Variants in VTCN1 observed in about 807,000 individuals in gnomAD.
VTCN1 encodes the protein V-set domain-containing T-cell activation inhibitor 1.
In VTCN1, 26 loss-of-function variants were observed where a neutral mutation model predicts 26.5. The ratio of observed to expected loss-of-function variants is 0.98; its 90% CI spans 0.72 to 1.36. The LOEUF (loss-of-function observed/expected upper bound fraction) is 1.36. Among genes scored for constraint, VTCN1 ranks in the 40% most tolerant of loss-of-function variants. The pLI is 0.00. For missense variants in VTCN1, 298 were observed against 337.7 expected (o/e 0.88, Z 0.92); for synonymous variants, 116 against 130.7 (o/e 0.89, Z 0.77).
At chr1:117,208,873 A>G (rs1649226143) in intron 1 of VTCN1, among the ~76,000 whole-genome samples, 1 of 152,224 alleles carries the variant, frequency 6.6e-6, no homozygotes, top group Non-Finnish European at 1.5e-5. Flanking sequence ...AGAGGATGGC[A>G]GGCCCTTTCA....
chr1:117,203,261 GGGGTTGTAAGA>G (rs1168876489), intron 1 of VTCN1, among the ~76,000 whole-genome samples: 2 of 152,014 alleles, frequency 1.3e-5, no homozygotes, highest in East Asian at 3.9e-4. Context: ...AGAAGGGATG[GGGGTTGTAAGA>G]GGATTGAAGA....
chr1:117,180,506 A>G (rs754238938), intron 1 of VTCN1, among the ~76,000 whole-genome samples: 60 of 152,216 alleles, frequency 3.9e-4, no homozygotes, highest in Non-Finnish European at 6.9e-4. Flanking sequence ...ATCCCATTGT[A>G]CTGAATAACA....
chr1:117,153,192 A>G lies in VTCN1; in HGVS notation c.623T>C (p.Met208Thr). 1 of 1,614,180 alleles carries G rather than the reference A, an allele frequency of 6.2e-7. No homozygotes were observed. Among genetic ancestry groups the G allele is most frequent in the Non-Finnish European group, 8.5e-7 (1 of 1,180,030 alleles). ...SFELNSENVT[M>T]KVVSVLYNVT... ...ATTGTAGAGCACAGACACAACCTTC[A>G]TGGTCACATTCTCAGAGTTCAGCTC... Residue 208 changes from methionine to threonine, a missense_variant, in exon 4 of 6, where the codon ATG becomes ACG. Met to Thr is a moderately conservative substitution (Grantham distance 81). Transcript: ENST00000369458.
rs957665102 is a variant in VTCN1, at chr1:117,183,864, T to C, written c.33-13693A>G. 6.6e-6 allele frequency among the ~76,000 whole-genome samples: 1 copy of C among 152,066 alleles called. No homozygotes were observed. Among genetic ancestry groups the C allele is most frequent in the Non-Finnish European group, 1.5e-5 (1 of 68,022 alleles). ...TTGCCAGCAAGAAAAATGAGGGAGA[T>C]TTGCAGAGGCTAAAAATGAAACCAG... On this transcript the variant is annotated intron_variant, in intron 1 of 5. Transcript: ENST00000369458. The surrounding 1 kb of genome is among the most constrained non-coding windows in gnomAD (Gnocchi z 4.1).
Position 117,191,870 on chromosome 1 carries a change from T to G in VTCN1, c.32+18954A>C, listed in dbSNP as rs570724166. ...TACTTCAGAGGCTAAGGTGGAAGGA[T>G]CTCTTGAACCCAGAGTTTGAGGCTG... On this transcript the variant is annotated intron_variant, in intron 1 of 5. Coordinates refer to ENST00000369458, the MANE Select transcript of VTCN1 (RefSeq NM_024626.4). Among the ~76,000 whole-genome samples the G allele has an allele frequency of 2.0e-5, 3 of 152,234 alleles. No individual in the cohort carries two copies. In the South Asian group the frequency reaches 6.2e-4, roughly 32 times the overall value.
chr1:117,207,172 C>T (rs1255208992), intron 1 of VTCN1, among the ~76,000 whole-genome samples: 1 of 152,174 alleles, frequency 6.6e-6, no homozygotes, highest in Non-Finnish European at 1.5e-5. Context: ...AAGCAAACTC[C>T]CTGAGCCTCC....
intron 2 of VTCN1, among the ~76,000 whole-genome samples, chr1:117,160,279 T>C (rs1652297389): frequency 6.6e-6 from 1 of 152,166 alleles, no homozygotes; most frequent in Non-Finnish European, 1.5e-5. Context: ...CAACACCTGA[T>C]ATTAAAGTGG....
At chr1:117,156,472 C>T (rs1421690916) in intron 3 of VTCN1, 102 bp downstream of exon 3, 5 of 1,253,162 alleles carry the variant, frequency 4.0e-6, no homozygotes, top group Non-Finnish European at 4.3e-6. Flanking sequence ...TTGGGAGCAT[C>T]ATTGTCTGAT....
chr1:117,172,213 G>T (rs752025292), intron 1 of VTCN1, among the ~76,000 whole-genome samples: 4 of 152,218 alleles, frequency 2.6e-5, no homozygotes, highest in Admixed American at 6.5e-5. Context: ...TGCACTTTCT[G>T]CCCTGAATAG....
At chr1:117,200,668 G>C (rs1425042409) in intron 1 of VTCN1, among the ~76,000 whole-genome samples, 1 of 152,124 alleles carries the variant, frequency 6.6e-6, no homozygotes, top group Non-Finnish European at 1.5e-5. Flanking sequence ...TTGGTTATTT[G>C]AAGTTCTGTA....
intron 1 of VTCN1, among the ~76,000 whole-genome samples, chr1:117,181,641 G>C (rs1423108683): frequency 2.0e-5 from 3 of 152,200 alleles, no homozygotes; most frequent in Non-Finnish European, 4.4e-5. Context: ...ATTTAAGGGA[G>C]TGGGAAGGCA....
rs1262696508 is a variant in VTCN1, at chr1:117,161,653, AG to A, written c.98-4733del. Among the ~76,000 whole-genome samples, 1 of 152,246 alleles carries A rather than the reference AG, an allele frequency of 6.6e-6. No individual in the cohort carries two copies. Among genetic ancestry groups the A allele is most frequent in the Non-Finnish European group, 1.5e-5 (1 of 68,042 alleles). The stretch of plus-strand genomic sequence containing the variant: ...ATAAATGAATAAATAAATGGAAATC[AG>A]TAGAAATCAAAGCATTGTTTGAGAT... On this transcript the variant is annotated intron_variant, in intron 2 of 5. Coordinates refer to ENST00000369458, the MANE Select transcript of VTCN1 (RefSeq NM_024626.4). The surrounding 1 kb of genome is among the most constrained non-coding windows in gnomAD (Gnocchi z 4.3).
rs1371307905 is a variant in VTCN1 at position 117,169,620 on chromosome 1, C to A, written c.97+487G>T. Among the ~76,000 whole-genome samples, 1 of 152,168 alleles carries A rather than the reference C, an allele frequency of 6.6e-6. No homozygotes were observed. Among genetic ancestry groups the A allele is most frequent in the East Asian group, 1.9e-4 (1 of 5,190 alleles). ...AAAAATGAGGAAACTAGCCTGGGCA[C>A]GGTGGCTCAGGCCGGCAATCCCAGC... On this transcript the variant is annotated intron_variant, in intron 2 of 5. Transcript: ENST00000369458. The surrounding 1 kb of genome is among the most constrained non-coding windows in gnomAD (Gnocchi z 4.0).
At chr1:117,182,983 T>G (rs1647751107) in intron 1 of VTCN1, among the ~76,000 whole-genome samples, 1 of 152,178 alleles carries the variant, frequency 6.6e-6, no homozygotes, top group Non-Finnish European at 1.5e-5. Context: ...TTTTATTTTC[T>G]AAGCCTTCTA....
chr1:117,200,909 A>G (rs1435466462), intron 1 of VTCN1, among the ~76,000 whole-genome samples: 1 of 152,132 alleles, frequency 6.6e-6, no homozygotes, highest in Non-Finnish European at 1.5e-5. Flanking sequence ...AATCCCAGCT[A>G]CTACGCCAGG....
intron 1 of VTCN1, among the ~76,000 whole-genome samples, chr1:117,192,803 C>T (rs1371971924): frequency 1.3e-5 from 2 of 151,952 alleles, no homozygotes; most frequent in East Asian, 3.9e-4. Context: ...AAGAATAACA[C>T]TACAAAAAAG....
intron 1 of VTCN1, among the ~76,000 whole-genome samples, chr1:117,189,274 C>G (rs1193004631): frequency 6.6e-6 from 1 of 152,138 alleles, no homozygotes; most frequent in African/African-American, 2.4e-5. Context: ...TGTCTCGCAC[C>G]TGCAGGTCCA....
chr1:117,177,544 C>A (rs1647419941), intron 1 of VTCN1, among the ~76,000 whole-genome samples: 1 of 152,160 alleles, frequency 6.6e-6, no homozygotes, highest in Non-Finnish European at 1.5e-5. Flanking sequence ...CCTTTCTGGG[C>A]AGCCCCTGCT....
At position 117,147,679 on chromosome 1, in the gene VTCN1, G is replaced by A. The variant is rs1296385611; in HGVS notation, c.828C>T (p.Ser276=). Residue 276 remains serine, a synonymous_variant, in exon 5 of 6, where the codon AGC becomes AGT. Coordinates refer to ENST00000369458, the MANE Select transcript of VTCN1 (RefSeq NM_024626.4). The surrounding 1 kb of genome is among the most constrained non-coding windows in gnomAD (Gnocchi z 4.6). ...FAISWALLPL[S]PYLMLK Reference sequence around the variant, plus strand: ...CACATTATTTTAGCATCAGGTAAGGGCTGAGAGGCAGAAGTGCCCAGCTGA... The same window carrying A: ...CACATTATTTTAGCATCAGGTAAGGACTGAGAGGCAGAAGTGCCCAGCTGA... 2 of 1,613,924 alleles carry A rather than the reference G, an allele frequency of 1.2e-6. No individual in the cohort carries two copies. The highest frequency in any genetic ancestry group is 1.1e-5 in the South Asian group (1 of 91,060).
Sources: allele counts gnomAD v4.1 joint callset (sites outside exome capture counted in the v4.1 genomes callset), GRCh38; gene constraint gnomAD v4.1.1; non-coding constraint Gnocchi (gnomAD v3.1); transcripts MANE v1.5; gene names NCBI Gene and HGNC (gene_info 2026-07-23, HGNC 2026-07-21).